Variants in GPATCH2 observed in about 807,000 individuals in gnomAD.
GPATCH2 encodes G patch domain-containing protein 2.
In GPATCH2, 51 loss-of-function variants were observed where a neutral mutation model predicts 58.0. The ratio of observed to expected loss-of-function variants is 0.88; its 90% CI spans 0.70 to 1.11. The LOEUF is 1.11. GPATCH2 is among the 50% of genes most tolerant of loss of function. GPATCH2 has a pLI of 0.00. For missense variants in GPATCH2, 625 were observed against 652.2 expected (o/e 0.96, Z 0.45); for synonymous variants, 222 against 218.5 (o/e 1.02, Z -0.14).
chr1:217,491,691 T>C lies in GPATCH2; in HGVS notation c.1266A>G (p.Arg422=), dbSNP rs202043576. Residue 422 remains arginine, a synonymous_variant, in exon 8 of 10, where the codon AGA becomes AGG. Coordinates refer to ENST00000366935, the MANE Select transcript of GPATCH2 (RefSeq NM_018040.5). The part of the protein sequence containing the change: ...ERGHKKNCSV[R]TASRQTSMHL... ...TTTGAATTGCTTACCTGCTGGCTGT[T>C]CTCACAGAACAATTTTTCTTGTGTC... The C allele has an allele frequency of 2.0e-6, 3 of 1,491,142 alleles. No homozygotes were observed. Among genetic ancestry groups the C allele is most frequent in the East Asian group, 4.7e-5 (2 of 42,394 alleles). 92.4% of individuals were successfully genotyped at this position (1,491,142 alleles called of 1,614,324 possible).
At chr1:217,511,340 G>A (rs1662841162) in intron 6 of GPATCH2, among the ~76,000 whole-genome samples, 1 of 152,050 alleles carries the variant, frequency 6.6e-6, no homozygotes, top group Non-Finnish European at 1.5e-5. Flanking sequence ...GGAAAAGTAA[G>A]AACCAGCAAA....
At chr1:217,512,890 A>C (rs1015602059) in intron 6 of GPATCH2, among the ~76,000 whole-genome samples, 1 of 152,240 alleles carries the variant, frequency 6.6e-6, no homozygotes, top group Non-Finnish European at 1.5e-5. Flanking sequence ...ATAACAAGTT[A>C]GGTTCTCCAA....
At chr1:217,460,617 T>C (rs565411108) in intron 8 of GPATCH2, among the ~76,000 whole-genome samples, 9 of 152,350 alleles carry the variant, frequency 5.9e-5, no homozygotes, top group Non-Finnish European at 1.2e-4. Context: ...TCAGTATAAC[T>C]GGAGTTGGCA....
chr1:217,494,332 T>G (rs1002156086), intron 7 of GPATCH2, among the ~76,000 whole-genome samples: 2 of 152,174 alleles, frequency 1.3e-5, no homozygotes, highest in African/African-American at 4.8e-5. Context: ...CAGATAAAAC[T>G]ACAGAGATCT....
intron 9 of GPATCH2, among the ~76,000 whole-genome samples, chr1:217,446,985 G>C (rs943547763): frequency 6.6e-6 from 1 of 152,148 alleles, no homozygotes; most frequent in African/African-American, 2.4e-5. Context: ...TGCCACTAAG[G>C]TGCTTTAGTA....
chr1:217,500,340 T>G (rs755082390), intron 6 of GPATCH2, among the ~76,000 whole-genome samples: 17 of 151,932 alleles, frequency 1.1e-4, no homozygotes, highest in Non-Finnish European at 1.9e-4. Context: ...GTCTACTTGG[T>G]CTCACAGCTG....
At chr1:217,472,211 T>C (rs1018627463) in intron 8 of GPATCH2, among the ~76,000 whole-genome samples, 1 of 150,744 alleles carries the variant, frequency 6.6e-6, no homozygotes, top group Non-Finnish European at 1.5e-5. Context: ...ATCATAAGCA[T>C]AAAAATGTGT....
chr1:217,500,759 C>A (rs2102552312), intron 6 of GPATCH2, among the ~76,000 whole-genome samples: 1 of 151,602 alleles, frequency 6.6e-6, no homozygotes, highest in South Asian at 2.1e-4. Flanking sequence ...TGTTTTTTTT[C>A]TCTCTCTGGA....
chr1:217,446,695 C>A (rs1571713391), intron 9 of GPATCH2, among the ~76,000 whole-genome samples: 1 of 151,918 alleles, frequency 6.6e-6, no homozygotes, highest in East Asian at 1.9e-4. Context: ...TGTAGTAATA[C>A]CAACATCCTG....
rs398052670 is a variant in GPATCH2 at position 217,532,905 on chromosome 1, T to G, written c.1099-18016A>C. 1.3e-3 allele frequency among the ~76,000 whole-genome samples: 180 copies of G among 142,420 alleles called. 1 individual carries two copies. Among genetic ancestry groups the G allele is most frequent in the East Asian group, 7.6e-3 (38 of 5,024 alleles). The allele number at this position is 142,420 out of a possible 152,430, so 93.4% of individuals were successfully genotyped here. ...TTTTTTGTTTTTTTTTTTTTGTTTT[T>G]TTTTTTTTTTTGAGACAGGATCTCC... On this transcript the variant is annotated intron_variant, in intron 5 of 9. Coordinates refer to ENST00000366935, the MANE Select transcript of GPATCH2 (RefSeq NM_018040.5).
chr1:217,445,990 A>C, intron 9 of GPATCH2, among the ~76,000 whole-genome samples: 1 of 152,130 alleles, frequency 6.6e-6, no homozygotes, highest in East Asian at 1.9e-4. Context: ...AAATTGTTAT[A>C]CAAATGCAGT....
At chr1:217,443,950 T>A (rs926707398) in intron 9 of GPATCH2, among the ~76,000 whole-genome samples, 2 of 152,316 alleles carry the variant, frequency 1.3e-5, no homozygotes, top group Admixed American at 6.5e-5. Flanking sequence ...AACTTTTTAG[T>A]TTTGGTTTAT....
intron 9 of GPATCH2, among the ~76,000 whole-genome samples, chr1:217,443,867 C>T (rs980995316): frequency 5.3e-5 from 8 of 152,244 alleles, no homozygotes; most frequent in Non-Finnish European, 1.0e-4. Flanking sequence ...AATTTCTACT[C>T]GATTCTTTAC....
At chr1:217,524,897 G>GAA (rs1285134735) in intron 5 of GPATCH2, among the ~76,000 whole-genome samples, 2 of 1,608 alleles carry the variant, frequency 1.2e-3, no homozygotes, top group Non-Finnish European at 4.4e-3. Context: ...GGAGGGGGGA[G>GAA]GGGGGAGGGG....
chr1:217,527,047 G>T (rs1663940941), intron 5 of GPATCH2, among the ~76,000 whole-genome samples: 1 of 150,588 alleles, frequency 6.6e-6, no homozygotes, highest in East Asian at 1.9e-4. Flanking sequence ...ATTATGGTGA[G>T]TTGTAGAATT....
chr1:217,611,132 A>G, intron 3 of GPATCH2, 61 bp from the exon 4 acceptor site: 2 of 1,436,308 alleles, frequency 1.4e-6, no homozygotes, highest in Non-Finnish European at 9.5e-7. Flanking sequence ...CAGTTACACA[A>G]TTAGTCTTGT....
chr1:217,618,299 T>C (rs1242448347), intron 2 of GPATCH2, among the ~76,000 whole-genome samples: 1 of 147,220 alleles, frequency 6.8e-6, no homozygotes, highest in Non-Finnish European at 1.5e-5. Context: ...AATCTCCGCC[T>C]CCCAGGTTCA....
chr1:217,614,752 C>T (rs929861509), intron 2 of GPATCH2, among the ~76,000 whole-genome samples: 8 of 145,556 alleles, frequency 5.5e-5, no homozygotes, highest in African/African-American at 1.3e-4. Flanking sequence ...TCCATTATAT[C>T]GAAGTTAAGG....
At chr1:217,583,214 G>C (rs1422992207) in intron 5 of GPATCH2, among the ~76,000 whole-genome samples, 6 of 152,196 alleles carry the variant, frequency 3.9e-5, no homozygotes, top group South Asian at 4.1e-4. Flanking sequence ...ATGAAAACTA[G>C]GAGAAAAGGG....
Sources: allele counts gnomAD v4.1 joint callset (sites outside exome capture counted in the v4.1 genomes callset), GRCh38; gene constraint gnomAD v4.1.1; transcripts MANE v1.5; gene names NCBI Gene and HGNC (gene_info 2026-07-23, HGNC 2026-07-21).